The following PCNT variants were observed in gnomAD, a reference collection of about 807,000 sequenced individuals.
PCNT encodes pericentrin, also known as kendrin.
In PCNT, 319 loss-of-function variants were observed where a neutral mutation model predicts 380.4. The ratio of observed to expected loss-of-function variants is 0.84; its 90% confidence interval spans 0.77 to 0.92. The LOEUF is 0.92. Among genes scored for constraint, PCNT ranks in the 40% least tolerant of loss-of-function variants. The pLI is 0.00. For synonymous variants in PCNT, 1,845 were observed against 1,735.2 expected (o/e 1.06, Z -1.57); for missense variants, 4,400 against 4,255.3 (o/e 1.03, Z -0.95).
Position 46,431,886 on chromosome 21 carries a change from C to G in PCNT, c.8422C>G (p.Leu2808Val). ...KSRVVDLQAM[L>V]EKVQQQALHS... ...CCGGGTGGTGGACTTGCAAGCGATG[C>G]TTGAAAAGGTGCAGCAGCAAGCCCT... Residue 2808 changes from leucine (L) to valine (V), a missense_variant, in exon 38 of 47, where the codon CTT (leucine) becomes GTT (valine). Coordinates refer to ENST00000359568, the MANE Select transcript of PCNT (RefSeq NM_006031.6). 6.2e-7 allele frequency: 1 copy of G among 1,614,064 alleles called. No homozygotes were observed. The highest frequency in any genetic ancestry group is 8.5e-7 in the Non-Finnish European group (1 of 1,180,028).
chr21:46,334,584 C>T lies in PCNT; in HGVS notation c.455C>T (p.Pro152Leu). ...QRGMFTVSDH[P>L]PEQHGMFTVS... Reference sequence around the variant, plus strand: ...GGGATGTTCACAGTCAGTGACCACCCACCAGAACAGCATGGGATGTTCACA... The same window carrying T: ...GGGATGTTCACAGTCAGTGACCACCTACCAGAACAGCATGGGATGTTCACA... Residue 152 changes from proline (P) to leucine (L), a missense_variant, in exon 3 of 47, where the codon CCA (proline) becomes CTA (leucine). Transcript: ENST00000359568. 1 of 1,573,236 alleles carries T rather than the reference C, an allele frequency of 6.4e-7. No homozygotes were observed.
intron 24 of PCNT, among the ~76,000 whole-genome samples, chr21:46,399,123 A>T (rs1390843085): frequency 6.6e-6 from 1 of 152,228 alleles, no homozygotes; most frequent in Non-Finnish European, 1.5e-5. Flanking sequence ...CGGCTGTAGT[A>T]TTCCATTCTT....
At chr21:46,441,395 A>G (rs900445012) in intron 43 of PCNT, among the ~76,000 whole-genome samples, 1 of 152,104 alleles carries the variant, frequency 6.6e-6, no homozygotes, top group Non-Finnish European at 1.5e-5. Flanking sequence ...TTTCCCCCTA[A>G]ACACTGTGCG....
At position 46,388,879 on chromosome 21, in the gene PCNT, C is replaced by G; in HGVS notation, c.3602C>G (p.Ser1201Trp). 2 of 1,601,296 alleles carry G rather than the reference C, an allele frequency of 1.2e-6. No homozygotes were observed. Among genetic ancestry groups the G allele is most frequent in the Non-Finnish European group, 1.7e-6 (2 of 1,178,130 alleles). ...GACGCGGGCGCAGGCCTGGCCCTGT[C>G]GACAGGTGAGTGTGCCGGGACCAGC... is the stretch of plus-strand genomic sequence containing the variant. ...LDDAGAGLAL[S>W]TAPALEETWS... The change falls in exon 18 of 47, where the codon TCG (serine) becomes TGG (tryptophan). Residue 1201 changes from serine to tryptophan, a missense_variant. Coordinates refer to ENST00000359568, the MANE Select transcript of PCNT (RefSeq NM_006031.6). The surrounding 1 kb of genome is among the most constrained non-coding windows in gnomAD (Gnocchi z 4.2).
At chr21:46,410,129 C>T (rs1303977216) in intron 27 of PCNT, among the ~76,000 whole-genome samples, 1 of 152,236 alleles carries the variant, frequency 6.6e-6, no homozygotes, top group Non-Finnish European at 1.5e-5. Context: ...GTGCCGCACA[C>T]AGTAAGGCAC....
rs1569204517 is a variant in PCNT at position 46,365,408 on chromosome 21, A to ATCACTGCCGTGGGGTTCTAT, written c.2610-1157_2610-1138dup. Among the ~76,000 whole-genome samples, 29 of 21,586 alleles carry ATCACTGCCGTGGGGTTCTAT rather than the reference A, an allele frequency of 1.3e-3. 7 individuals carry two copies. Among genetic ancestry groups the ATCACTGCCGTGGGGTTCTAT allele is most frequent in the African/African-American group, 2.3e-3 (11 of 4,862 alleles). 14.2% of individuals were successfully genotyped at this position (21,586 alleles called of 152,430 possible). The stretch of plus-strand genomic sequence containing the variant: ...TTCTGTTCACTGCCGTGGGGTTCTG[A>ATCACTGCCGTGGGGTTCTAT]TCACTGCCGTGGGGTTCTATTCACT... On this transcript the variant is annotated intron_variant, in intron 14 of 46. Coordinates refer to ENST00000359568, the MANE Select transcript of PCNT (RefSeq NM_006031.6).
intron 3 of PCNT, among the ~76,000 whole-genome samples, chr21:46,336,366 C>A (rs1171123379): frequency 6.6e-6 from 1 of 152,160 alleles, no homozygotes; most frequent in East Asian, 1.9e-4. Context: ...CTATAAAACC[C>A]ACTCTTCATT....
At chr21:46,360,542 G>A (rs865861318) in intron 13 of PCNT, among the ~76,000 whole-genome samples, 3 of 90,304 alleles carry the variant, frequency 3.3e-5, no homozygotes, top group South Asian at 3.8e-4. Flanking sequence ...TTTCTGAGAC[G>A]GAATATTGCT....
In PCNT at chr21:46,443,924, C is replaced by T; in HGVS notation, c.9815C>T (p.Ala3272Val). 6.2e-7 allele frequency: 1 copy of T among 1,612,476 alleles called. No homozygotes were observed. ...DPARGRRLAA[A>V]ASPHSGGRAT... is the part of the protein sequence containing the mutation. ...GCCAGAGGCCGCAGACTGGCAGCAG[C>T]AGCCTCCCCACACAGTGGGGGAAGG... The change falls in exon 45 of 47, where the codon GCA (alanine) becomes GTA (valine). Residue 3272 changes from alanine to valine, a missense_variant. Transcript: ENST00000359568.
At chr21:46,401,802 G>A in intron 26 of PCNT, 81 bp downstream of exon 26, 1 of 1,321,470 alleles carries the variant, frequency 7.6e-7, no homozygotes, top group Non-Finnish European at 1.1e-6. Context: ...CCGATGTCCA[G>A]ATAACACAGG....
In PCNT at chr21:46,427,751, C is replaced by T; in HGVS notation, c.7450C>T (p.His2484Tyr). 1.2e-6 allele frequency: 2 copies of T among 1,613,716 alleles called. No homozygotes were observed. The highest frequency in any genetic ancestry group is 8.5e-7 in the Non-Finnish European group (1 of 1,180,026). The change falls in exon 34 of 47, where the codon CAC (histidine) becomes TAC (tyrosine). Residue 2484 changes from histidine to tyrosine, a missense_variant. Transcript: ENST00000359568. ...PRLSGSDLGG[H>Y]SSLLERLEKI... ...ACTCAGTGGCTCAGATCTGGGGGGT[C>T]ACAGCTCCCTGCTCGAAAGGCTGGA...
At chr21:46,387,727 G>C (rs1423858215) in intron 17 of PCNT, among the ~76,000 whole-genome samples, 9 of 152,158 alleles carry the variant, frequency 5.9e-5, no homozygotes, top group African/African-American at 2.2e-4. Flanking sequence ...CCCCACGAAT[G>C]AGTCCTCATC....
chr21:46,434,679 C>T (rs150355517), intron 38 of PCNT, among the ~76,000 whole-genome samples: 87 of 152,348 alleles, frequency 5.7e-4, no homozygotes, highest in African/African-American at 1.9e-3. Flanking sequence ...CCTGTGCCCC[C>T]GTCCTGCAGA....
chr21:46,354,856 A>C (rs2084415073), intron 11 of PCNT, among the ~76,000 whole-genome samples: 1 of 152,162 alleles, frequency 6.6e-6, no homozygotes, highest in African/African-American at 2.4e-5. Flanking sequence ...GCTGCACAAG[A>C]GGCTATGGGG....
At chr21:46,381,277 G>A (rs1313878285) in intron 15 of PCNT, among the ~76,000 whole-genome samples, 1 of 147,396 alleles carries the variant, frequency 6.8e-6, no homozygotes, top group African/African-American at 2.5e-5. Flanking sequence ...TTATTTAAAA[G>A]GTTTTGTTAT....
chr21:46,399,889 C>G, intron 25 of PCNT, 93 bp downstream of exon 25: 3 of 1,072,326 alleles, frequency 2.8e-6, no homozygotes, highest in Non-Finnish European at 4.4e-6. Flanking sequence ...GCAGGGCGTC[C>G]TTCTTCACTG....
At chr21:46,339,308 C>G (rs1487455304) in intron 3 of PCNT, among the ~76,000 whole-genome samples, 1 of 152,194 alleles carries the variant, frequency 6.6e-6, no homozygotes, top group Non-Finnish European at 1.5e-5. Context: ...CTGCCCCTCT[C>G]TAGCTTGTGT....
intron 10 of PCNT, among the ~76,000 whole-genome samples, chr21:46,353,715 G>GGTGTGTGTGTGTGTGTGTGTGT (rs72175446): frequency 7.8e-6 from 1 of 128,962 alleles, no homozygotes; most frequent in African/African-American, 2.9e-5. Context: ...CTCTCCTCCA[G>GGTGTGTGTGTGTGTGTGTGTGT]GTGTGTGTGT....
chr21:46,333,336 G>T (rs1335743989), intron 2 of PCNT, among the ~76,000 whole-genome samples: 2 of 152,052 alleles, frequency 1.3e-5, no homozygotes, highest in African/African-American at 4.8e-5. Flanking sequence ...GGAGGCTGAG[G>T]CAGGAGAATG....
Sources: gnomAD v4.1 joint callset for allele counts (sites outside exome capture counted in the v4.1 genomes callset) on GRCh38, gnomAD v4.1.1 for gene constraint, Gnocchi (gnomAD v3.1) non-coding constraint, MANE v1.5 for transcripts, NCBI Gene and HGNC (gene_info 2026-07-23, HGNC 2026-07-21) for gene names.